MAP4: variants seen among roughly 807,000 people sequenced by gnomAD.
The protein encoded by MAP4 is microtubule-associated protein 4.
MAP4 carries 76 observed loss-of-function variants against 170.2 expected under a neutral mutation model. That is an observed-to-expected ratio of 0.45 (90% CI 0.37 to 0.54). MAP4 has a LOEUF of 0.54. MAP4 is among the 20% of genes least tolerant of loss of function. MAP4 has a pLI of 0.00. For missense variants in MAP4, 2,506 were observed against 2,748.0 expected (o/e 0.91, Z 1.97); for synonymous variants, 909 against 994.5 (o/e 0.91, Z 1.62).
intron 1 of MAP4, among the ~76,000 whole-genome samples, chr3:48,032,288 A>C (rs1478715489): frequency 1.3e-5 from 2 of 152,166 alleles, no homozygotes; most frequent in African/African-American, 4.8e-5. Context: ...TGAGGTCAGG[A>C]GTTCGCGAGC....
Position 48,058,317 on chromosome 3 carries a change from C to T in MAP4, c.-20+30456G>A, listed in dbSNP as rs370120177. ...GCCAGTAGGCCGGCTGGCCAGCCTG[C>T]GAGGCTTAAAAAGTACCATGTACAT... On this transcript the variant is annotated intron_variant, in intron 1 of 18. Coordinates refer to the MAP4 transcript ENST00000360240. 7.5e-4 allele frequency among the ~76,000 whole-genome samples: 114 copies of T among 152,180 alleles called. 1 individual carries two copies. Among genetic ancestry groups the T allele is most frequent in the African/African-American group, 2.6e-3 (109 of 41,510 alleles).
intron 1 of MAP4, among the ~76,000 whole-genome samples, chr3:48,063,950 AATT>A (rs2100137157): frequency 6.6e-6 from 1 of 152,136 alleles, no homozygotes. Flanking sequence ...TAACTGAGAC[AATT>A]ATTACAGTGA....
chr3:48,012,220 C>T (rs1168355345), intron 1 of MAP4, among the ~76,000 whole-genome samples: 9 of 152,220 alleles, frequency 5.9e-5, no homozygotes, highest in Admixed American at 5.9e-4. Context: ...TATTACGGAA[C>T]TTTCCTGTCT....
chr3:48,012,560 A>G (rs912199764), intron 1 of MAP4, among the ~76,000 whole-genome samples: 2 of 152,212 alleles, frequency 1.3e-5, no homozygotes, highest in Admixed American at 1.3e-4. Context: ...AGTCAAAAAC[A>G]CCAATACATT....
At chr3:47,921,317 A>C (rs2100042739) in intron 5 of MAP4, among the ~76,000 whole-genome samples, 1 of 152,202 alleles carries the variant, frequency 6.6e-6, no homozygotes, top group Non-Finnish European at 1.5e-5. Flanking sequence ...TAAACAACTA[A>C]AGGACACCAG....
At position 47,911,955 on chromosome 3, in the gene MAP4, T is replaced by G. The variant is rs1238843229; in HGVS notation, c.2466A>C (p.Glu822Asp). Residue 822 changes from glutamate (E) to aspartate (D), a missense_variant, in exon 9 of 21, where the codon GAA becomes GAC. Glu to Asp is a conservative substitution (Grantham distance 45). Around this residue, in one of 3 missense-constraint regions of MAP4, gnomAD observed 2,008 missense variants for 2,206.0 expected, o/e 0.91. Coordinates refer to ENST00000683076, the MANE Select transcript of MAP4 (RefSeq NM_001385682.1). This position sits in a 1 kb window ranked among gnomAD's most constrained non-coding sequence, Gnocchi z 4.0. ...LPSQPTTMGT[E>D]YGLVSGENLK... ...AGTTTTCTCCAGATACAAGTCCATA[T>G]TCTGTACCCATAGTGGTAGGCTGGC... The G allele has an allele frequency of 2.0e-6, 3 of 1,536,144 alleles. No homozygotes were observed. In the South Asian group the frequency reaches 3.6e-5, roughly 18 times the overall value.
At position 47,945,974 on chromosome 3, in the gene MAP4, G is replaced by A. The variant is rs553518207; in HGVS notation, c.293-17624C>T. 5.3e-5 allele frequency among the ~76,000 whole-genome samples: 8 copies of A among 151,272 alleles called. No homozygotes were observed. The South Asian group carries it at 6.3e-4, about 12-fold the overall frequency. ...TTTTGAGATGGAGTCTTGCTCTGTCGCCCAGGCTGGAGTGCAGTGGCACAA... is the reference window on the plus strand; with the variant it reads ...TTTTGAGATGGAGTCTTGCTCTGTCACCCAGGCTGGAGTGCAGTGGCACAA... On this transcript the variant is annotated intron_variant, in intron 3 of 20. Coordinates refer to ENST00000683076, the MANE Select transcript of MAP4 (RefSeq NM_001385682.1).
At chr3:48,060,348 T>TA (rs551530992) in intron 1 of MAP4, among the ~76,000 whole-genome samples, 107 of 150,370 alleles carry the variant, frequency 7.1e-4, no homozygotes, top group African/African-American at 2.2e-3. Context: ...GATGGATCAT[T>TA]AAAAAAAAAT....
chr3:47,882,509 T>TAA (rs139586737), intron 10 of MAP4, among the ~76,000 whole-genome samples: 1 of 151,782 alleles, frequency 6.6e-6, no homozygotes, highest in African/African-American at 2.4e-5. Context: ...CTATTTTTAT[T>TAA]AAAAAAAAGC....
At chr3:47,854,397 G>A (rs539229375) in intron 19 of MAP4, among the ~76,000 whole-genome samples, 1 of 152,350 alleles carries the variant, frequency 6.6e-6, no homozygotes, top group East Asian at 1.9e-4. Flanking sequence ...AGGAGAGGAT[G>A]GGACAGGGGA....
At chr3:47,853,044 A>G in intron 20 of MAP4, 106 bp from the exon 21 acceptor site, 1 of 1,614,242 alleles carries the variant, frequency 6.2e-7, no homozygotes, top group Non-Finnish European at 8.5e-7. Flanking sequence ...AGATGCCTGG[A>G]AAATAAAAGG....
intron 10 of MAP4, among the ~76,000 whole-genome samples, chr3:47,899,609 G>C (rs2100028949): frequency 6.6e-6 from 1 of 152,232 alleles, no homozygotes; most frequent in Non-Finnish European, 1.5e-5. Flanking sequence ...GTAGGAATGT[G>C]AACTGTGCAT....
rs550334888 is a variant in MAP4 at position 48,076,996 on chromosome 3, A to C, written c.-20+11777T>G. Among the ~76,000 whole-genome samples, 255 of 151,976 alleles carry C rather than the reference A, an allele frequency of 1.7e-3. 4 individuals are homozygous for C. The Middle Eastern group carries it at 0.027, about 16-fold the overall frequency. On this transcript the variant is annotated intron_variant, in intron 1 of 18. Coordinates refer to the MAP4 transcript ENST00000360240. ...ATCTCTAATTAAAATTGTTTTTTTT[A>C]ATTATCCAGGTGTGGTGGCACACAC...
chr3:48,047,070 G>A (rs2100124979), intron 1 of MAP4, among the ~76,000 whole-genome samples: 1 of 149,532 alleles, frequency 6.7e-6, no homozygotes, highest in African/African-American at 2.5e-5. Context: ...CTCCAGCCTG[G>A]GCAACAGAGT....
chr3:47,991,615 T>C (rs2100092279), intron 2 of MAP4, among the ~76,000 whole-genome samples: 1 of 151,930 alleles, frequency 6.6e-6, no homozygotes, highest in Admixed American at 6.6e-5. Context: ...TGCAGTAAGC[T>C]ATGATTGTGC....
At chr3:48,081,686 A>G (rs1003808769) in intron 1 of MAP4, among the ~76,000 whole-genome samples, 2 of 152,302 alleles carry the variant, frequency 1.3e-5, no homozygotes, top group East Asian at 1.9e-4. Context: ...ATTTATATAC[A>G]GACAGATACG....
chr3:47,881,651 A>T (rs1272539230), intron 10 of MAP4, among the ~76,000 whole-genome samples: 1 of 150,406 alleles, frequency 6.6e-6, no homozygotes, highest in Non-Finnish European at 1.5e-5. Flanking sequence ...TTTCTTTTTA[A>T]GACAGGTGTG....
intron 3 of MAP4, among the ~76,000 whole-genome samples, chr3:47,967,978 G>A (rs1453985926): frequency 1.3e-5 from 2 of 152,008 alleles, no homozygotes; most frequent in African/African-American, 2.4e-5. Flanking sequence ...ACTTTAAATC[G>A]TCCTACCAGC....
At chr3:47,983,830 G>A (rs1368850791) in intron 2 of MAP4, among the ~76,000 whole-genome samples, 1 of 152,084 alleles carries the variant, frequency 6.6e-6, no homozygotes, top group Non-Finnish European at 1.5e-5. Flanking sequence ...CGTCCACTGA[G>A]CTTTAATTCA....
Sources: allele counts gnomAD v4.1 joint callset (sites outside exome capture counted in the v4.1 genomes callset), GRCh38; gene constraint gnomAD v4.1.1; regional missense constraint gnomAD v4.1.1; non-coding constraint Gnocchi (gnomAD v3.1); transcripts MANE v1.5; gene names NCBI Gene and HGNC (gene_info 2026-07-23, HGNC 2026-07-21).